RORB: variants seen among roughly 807,000 people sequenced by gnomAD.
RORB encodes the protein RAR related orphan receptor B.
Under a neutral mutation model 59.1 loss-of-function variants are expected in RORB, and 6 were observed. The observed-to-expected ratio is 0.10, with a 90% CI of 0.06 to 0.20. The LOEUF is 0.20. Ranked by LOEUF, RORB falls within the 10% of genes least tolerant of loss-of-function variation. The pLI is 1.00. For synonymous variants in RORB, 215 were observed against 204.5 expected (o/e 1.05, Z -0.44); for missense variants, 320 against 560.5 (o/e 0.57, Z 4.33).
At position 74,685,739 on chromosome 9, in the gene RORB, T is replaced by C. The variant is rs1193023988; in HGVS notation, c.*121T>C. 4.6e-6 allele frequency: 3 copies of C among 654,078 alleles called. No individual in the cohort carries two copies. The East Asian group carries it at 8.8e-5, about 19-fold the overall frequency. 40.5% of individuals were successfully genotyped at this position (654,078 alleles called of 1,614,324 possible). A position where few individuals can be genotyped will look rare whatever the true frequency, so the allele number is the denominator to read the frequency against. ...AACATTAGGAATGTCCTGCACTTAA[T>C]AGAATTATTTTTCACCGCTACAGTT... On this transcript the variant is annotated 3_prime_UTR_variant, in exon 10 of 10. Transcript: ENST00000376896.
chr9:74,540,875 T>G (rs1384755766), intron 1 of RORB, among the ~76,000 whole-genome samples: 1 of 152,200 alleles, frequency 6.6e-6, no homozygotes, highest in East Asian at 1.9e-4. Flanking sequence ...TCAATTATTT[T>G]ATATACATTT....
chr9:74,625,857 A>G (rs1464090154), intron 1 of RORB, among the ~76,000 whole-genome samples: 1 of 152,230 alleles, frequency 6.6e-6, no homozygotes, highest in Non-Finnish European at 1.5e-5. Flanking sequence ...AGCCATAAGA[A>G]CAAACACAGT....
intron 1 of RORB, among the ~76,000 whole-genome samples, chr9:74,597,774 C>T (rs1369804283): frequency 6.6e-6 from 1 of 152,120 alleles, no homozygotes; most frequent in Non-Finnish European, 1.5e-5. Context: ...GCCTGACCAA[C>T]ATGGAGAAAC....
intron 2 of RORB, among the ~76,000 whole-genome samples, chr9:74,632,169 C>A (rs1452331439): frequency 1.3e-5 from 2 of 152,056 alleles, no homozygotes; most frequent in Admixed American, 6.6e-5. Context: ...ACAGTAATTT[C>A]CAAAAAATTT....
At chr9:74,660,135 T>A (rs906959711) in intron 4 of RORB, among the ~76,000 whole-genome samples, 23 of 152,132 alleles carry the variant, frequency 1.5e-4, no homozygotes, top group Non-Finnish European at 3.4e-4. Flanking sequence ...ATTTCCTCTA[T>A]ACATAGCCTT....
chr9:74,503,217 A>T (rs1373275854), intron 1 of RORB, among the ~76,000 whole-genome samples: 1 of 152,060 alleles, frequency 6.6e-6, no homozygotes, highest in African/African-American at 2.4e-5. Flanking sequence ...AAAAAGTATT[A>T]TTCCTGTAAT....
intron 1 of RORB, among the ~76,000 whole-genome samples, chr9:74,595,713 A>G (rs907201395): frequency 5.3e-5 from 8 of 152,172 alleles, no homozygotes; most frequent in African/African-American, 1.9e-4. Context: ...TCCATTTGCA[A>G]GTAAGGATGG....
At position 74,634,789 on chromosome 9, in the gene RORB, C is replaced by G; in HGVS notation, c.235+17C>G. 1 of 1,604,760 alleles carries G rather than the reference C, an allele frequency of 6.2e-7. No homozygotes were observed. Among genetic ancestry groups the G allele is most frequent in the Non-Finnish European group, 8.5e-7 (1 of 1,175,766 alleles). On this transcript the variant is annotated intron_variant, in intron 3 of 9. Coordinates refer to ENST00000376896, the MANE Select transcript of RORB (RefSeq NM_006914.4). Reference sequence around the variant, plus strand: ...CAAGAGATGGTAAGACATTACCTTCCTGTTTCTTACTTAAGCCCTTTCAAA... The same window carrying G: ...CAAGAGATGGTAAGACATTACCTTCGTGTTTCTTACTTAAGCCCTTTCAAA...
At chr9:74,634,040 C>A (rs1328025711) in intron 2 of RORB, among the ~76,000 whole-genome samples, 3 of 149,440 alleles carry the variant, frequency 2.0e-5, no homozygotes, top group African/African-American at 2.5e-5. Context: ...AGCCACTGAA[C>A]TCTAGCGTGA....
chr9:74,630,463 A>C (rs1215309475), intron 2 of RORB, 96 bp downstream of exon 2: 3 of 686,722 alleles, frequency 4.4e-6, no homozygotes, highest in Admixed American at 5.3e-5. Context: ...GGCTGGCTAA[A>C]GGATCCTTCT....
rs533877344 is a variant in RORB at position 74,692,340 on chromosome 9, T to G, written c.*6722T>G. On this transcript the variant is annotated 3_prime_UTR_variant, in exon 10 of 10. Transcript: ENST00000376896. The stretch of plus-strand genomic sequence containing the variant: ...CGATTTATAATGATAAAAAGATATT[T>G]AGATTTAAATGAGACATTCCAATAT... The G allele has an allele frequency of 3.9e-5, 6 of 152,382 alleles. No individual in the cohort carries two copies. The South Asian group carries it at 1.2e-3, about 32-fold the overall frequency. The allele number at this position is 152,382 out of a possible 1,614,324, so 9.4% of individuals were successfully genotyped here.
intron 5 of RORB, among the ~76,000 whole-genome samples, chr9:74,662,123 G>A (rs1437509549): frequency 6.6e-6 from 1 of 152,106 alleles, no homozygotes; most frequent in Non-Finnish European, 1.5e-5. Context: ...AGTATGTGAA[G>A]ATAGATTTGT....
intron 1 of RORB, among the ~76,000 whole-genome samples, chr9:74,508,384 C>A (rs746160976): frequency 6.6e-6 from 1 of 151,874 alleles, no homozygotes; most frequent in Non-Finnish European, 1.5e-5. Context: ...AGAAAGTGTT[C>A]TTTTGCAATA....
chr9:74,521,332 A>G (rs1475827640), intron 1 of RORB, among the ~76,000 whole-genome samples: 2 of 151,820 alleles, frequency 1.3e-5, no homozygotes, highest in Non-Finnish European at 2.9e-5. Flanking sequence ...ATGCAAACTC[A>G]TTCTATAATT....
At chr9:74,623,292 G>A (rs1017126477) in intron 1 of RORB, among the ~76,000 whole-genome samples, 59 of 152,282 alleles carry the variant, frequency 3.9e-4, no homozygotes, top group Non-Finnish European at 1.6e-4. Context: ...GCTAGAATGC[G>A]GAGAAAATGT....
At chr9:74,667,553 T>C (rs1824286648) in intron 7 of RORB, among the ~76,000 whole-genome samples, 1 of 152,232 alleles carries the variant, frequency 6.6e-6, no homozygotes, top group Non-Finnish European at 1.5e-5. Context: ...ACACCAAGTC[T>C]ACTTGCTTGC....
At chr9:74,505,508 G>A (rs540886371) in intron 1 of RORB, among the ~76,000 whole-genome samples, 45 of 152,132 alleles carry the variant, frequency 3.0e-4, no homozygotes, top group African/African-American at 1.1e-3. Context: ...GTAAGGTACA[G>A]GGCTGAACCC....
Position 74,626,035 on chromosome 9 carries a change from G to A in RORB, c.8-4247G>A, listed in dbSNP as rs76198706. Among the ~76,000 whole-genome samples the A allele has an allele frequency of 6.1e-3, 934 of 152,256 alleles. 7 individuals are homozygous for A. Among genetic ancestry groups the A allele is most frequent in the African/African-American group, 0.021 (880 of 41,528 alleles). ...AATCTTAACACCTGCTGTTACTAGC[G>A]GAGGTTCTGAGGGGGCAGAACTAAA... On this transcript the variant is annotated intron_variant, in intron 1 of 9. Coordinates refer to ENST00000376896, the MANE Select transcript of RORB (RefSeq NM_006914.4).
rs1414481669 is a variant in RORB at position 74,671,762 on chromosome 9, C to T, written c.1112-27C>T. 2.1e-6 allele frequency: 3 copies of T among 1,437,668 alleles called. No homozygotes were observed. The Admixed American group carries it at 5.3e-5, about 25-fold the overall frequency. 89.1% of individuals were successfully genotyped at this position (1,437,668 alleles called of 1,614,324 possible). On this transcript the variant is annotated intron_variant, in intron 8 of 9. Transcript: ENST00000376896. ...AAGCAAAACAAAGTTGATGTTCCCTCCACTTACCCACTCTTTCTTTCATCA... is the reference window on the plus strand; with the variant it reads ...AAGCAAAACAAAGTTGATGTTCCCTTCACTTACCCACTCTTTCTTTCATCA...
Sources: gnomAD v4.1 joint callset for allele counts (sites outside exome capture counted in the v4.1 genomes callset) on GRCh38, gnomAD v4.1.1 for gene constraint, MANE v1.5 for transcripts, NCBI Gene and HGNC (gene_info 2026-07-23, HGNC 2026-07-21) for gene names.